Variants in MED13L observed in about 807,000 individuals in gnomAD.
MED13L encodes mediator of RNA polymerase II transcription subunit 13-like.
Under a neutral mutation model 220.9 loss-of-function variants are expected in MED13L, and 7 were observed. That is an observed-to-expected ratio of 0.03 (90% CI 0.02 to 0.06). The LOEUF (loss-of-function observed/expected upper bound fraction) is 0.06, where lower values mean the gene tolerates loss of function less well. MED13L is among the 10% of genes least tolerant of loss of function. The probability of loss-of-function intolerance (pLI) is 1.00; values close to 1 mark genes in which losing one functional copy is unlikely to be tolerated. For synonymous variants in MED13L, 1,011 were observed against 1,015.2 expected (o/e 1.00, Z 0.08); for missense variants, 1,965 against 2,760.5 (o/e 0.71, Z 6.46).
intron 17 of MED13L, among the ~76,000 whole-genome samples, chr12:115,990,672 G>A (rs1877996818): frequency 6.6e-6 from 1 of 152,184 alleles, no homozygotes; most frequent in Non-Finnish European, 1.5e-5. Flanking sequence ...ACTTGATCTG[G>A]AAGAATGGTG....
intron 4 of MED13L, among the ~76,000 whole-genome samples, chr12:116,038,900 C>G (rs778259428): frequency 6.6e-6 from 1 of 151,672 alleles, no homozygotes; most frequent in Non-Finnish European, 1.5e-5. Flanking sequence ...ATTTCCTCAT[C>G]TATTTTTTTT....
chr12:115,970,755 C>T lies in MED13L; in HGVS notation c.5906G>A (p.Gly1969Asp). ...FVVMPDAVTM[G>D]SVFGRSTALN... is the part of the protein sequence containing the mutation. ...TGCAGTACTTCGGCCAAAAACAGAG[C>T]CCATTGTGACAGCATCTTTAAAGAA... The change falls in exon 27 of 31, where the codon GGC (glycine) becomes GAC (aspartate). Residue 1969 changes from glycine (G) to aspartate (D), a missense_variant. Gly to Asp is a moderately conservative substitution (Grantham distance 94, BLOSUM62 -1). Coordinates refer to ENST00000281928, the MANE Select transcript of MED13L (RefSeq NM_015335.5). 6.2e-7 allele frequency: 1 copy of T among 1,613,886 alleles called. No individual in the cohort carries two copies. The highest frequency in any genetic ancestry group is 8.5e-7 in the Non-Finnish European group (1 of 1,179,894).
At chr12:116,178,635 A>T (rs1407968884) in intron 2 of MED13L, among the ~76,000 whole-genome samples, 1 of 152,238 alleles carries the variant, frequency 6.6e-6, no homozygotes, top group Non-Finnish European at 1.5e-5. Flanking sequence ...CACTGTTCTT[A>T]CAACCCACTT....
At chr12:115,977,745 C>T (rs543494279) in intron 23 of MED13L, among the ~76,000 whole-genome samples, 1 of 152,226 alleles carries the variant, frequency 6.6e-6, no homozygotes, top group East Asian at 1.9e-4. Context: ...GCCTGTAATC[C>T]CAGCACTTTG....
chr12:116,228,338 A>C (rs1278816285), intron 2 of MED13L, among the ~76,000 whole-genome samples: 3 of 152,166 alleles, frequency 2.0e-5, no homozygotes, highest in Non-Finnish European at 4.4e-5. Context: ...TTTTCTAGAG[A>C]TAGGGTCTTA....
intron 2 of MED13L, among the ~76,000 whole-genome samples, chr12:116,218,296 A>G (rs1883119139): frequency 2.0e-5 from 3 of 152,176 alleles, no homozygotes; most frequent in African/African-American, 7.2e-5. Flanking sequence ...TTCAAATCTA[A>G]TATTTAACAC....
chr12:116,074,321 G>A (rs530416168), intron 4 of MED13L, among the ~76,000 whole-genome samples: 18 of 152,322 alleles, frequency 1.2e-4, no homozygotes, highest in Admixed American at 1.2e-3. Flanking sequence ...CTTGAACCCA[G>A]GAAGCAGAGG....
At chr12:116,063,131 T>A (rs1055083726) in intron 4 of MED13L, among the ~76,000 whole-genome samples, 6 of 152,188 alleles carry the variant, frequency 3.9e-5, no homozygotes, top group Non-Finnish European at 1.5e-5. Context: ...GGCATTTCTG[T>A]CTTCTTTCCC....
At chr12:115,976,546 G>A (rs1167128279) in intron 23 of MED13L, among the ~76,000 whole-genome samples, 1 of 152,136 alleles carries the variant, frequency 6.6e-6, no homozygotes, top group Non-Finnish European at 1.5e-5. Context: ...TTTGCTTCTT[G>A]CACTTGTTAA....
At chr12:116,191,695 G>GT (rs1238774835) in intron 2 of MED13L, among the ~76,000 whole-genome samples, 1 of 151,920 alleles carries the variant, frequency 6.6e-6, no homozygotes, top group African/African-American at 2.4e-5. Flanking sequence ...AGAAATATGC[G>GT]TTTTGCCAGG....
At chr12:116,203,196 A>C (rs1359954267) in intron 2 of MED13L, among the ~76,000 whole-genome samples, 1 of 152,178 alleles carries the variant, frequency 6.6e-6, no homozygotes, top group Non-Finnish European at 1.5e-5. Flanking sequence ...TCAGGCAGGA[A>C]TGTTAACAGT....
At chr12:116,010,636 A>G (rs150305119) in intron 9 of MED13L, among the ~76,000 whole-genome samples, 3 of 152,278 alleles carry the variant, frequency 2.0e-5, no homozygotes, top group East Asian at 3.9e-4. Flanking sequence ...TCGGCACACT[A>G]TATGGGTGAC....
chr12:115,991,507 G>A lies in MED13L; in HGVS notation c.3447C>T (p.Ile1149=). 1 of 1,614,182 alleles carries A rather than the reference G, an allele frequency of 6.2e-7. No individual in the cohort carries two copies. Among genetic ancestry groups the A allele is most frequent in the Non-Finnish European group, 8.5e-7 (1 of 1,180,044 alleles). ...ACTGGTCCTCATTGGAAGAATCGGG[G>A]ATGTAAAGCCCGACATCCGCCCCTT... is the stretch of plus-strand genomic sequence containing the variant. The part of the protein sequence containing the change: ...NIKGADVGLY[I]PDSSNEDQYR... The change falls in exon 17 of 31, where the codon ATC becomes ATT. Residue 1149 remains isoleucine (I), a synonymous_variant. Coordinates refer to ENST00000281928, the MANE Select transcript of MED13L (RefSeq NM_015335.5). The surrounding 1 kb of genome is among the most constrained non-coding windows in gnomAD (Gnocchi z 7.7).
Position 116,044,998 on chromosome 12 carries a change from G to A in MED13L, c.480-22397C>T, listed in dbSNP as rs576885355. ...GTATGCAAACTGTATATGCAAAAAA[G>A]GGTATAGTAAGAGACCCTACAGATA... On this transcript the variant is annotated intron_variant, in intron 4 of 30. Coordinates refer to ENST00000281928, the MANE Select transcript of MED13L (RefSeq NM_015335.5). 9.9e-4 allele frequency among the ~76,000 whole-genome samples: 151 copies of A among 152,234 alleles called. 10 individuals carry two copies. The South Asian group carries it at 0.031, about 32-fold the overall frequency.
intron 5 of MED13L, 31 bp downstream of exon 5, chr12:116,022,425 A>C: frequency 6.2e-7 from 1 of 1,612,836 alleles, no homozygotes; most frequent in Non-Finnish European, 8.5e-7. Context: ...GGTGGCGGAT[A>C]GGGGTGGAGA....
chr12:116,173,046 C>T (rs1879795328), intron 2 of MED13L, among the ~76,000 whole-genome samples: 1 of 145,168 alleles, frequency 6.9e-6, no homozygotes, highest in African/African-American at 2.6e-5. Flanking sequence ...AATAACAGAT[C>T]AGAAAATACA....
At chr12:116,267,626 G>GTTTA (rs1266199054) in intron 1 of MED13L, among the ~76,000 whole-genome samples, 1 of 152,160 alleles carries the variant, frequency 6.6e-6, no homozygotes, top group Non-Finnish European at 1.5e-5. Flanking sequence ...TAGTAAAAAT[G>GTTTA]TTTAATACAA....
intron 2 of MED13L, among the ~76,000 whole-genome samples, chr12:116,160,308 T>C (rs1878760626): frequency 1.3e-5 from 2 of 152,230 alleles, no homozygotes; most frequent in Non-Finnish European, 2.9e-5. Flanking sequence ...ATTTTTGTTG[T>C]TGTTGTTGTT....
At position 116,031,752 on chromosome 12, in the gene MED13L, A is replaced by AAGAAGG. The variant is rs1555251772; in HGVS notation, c.480-9152_480-9151insCCTTCT. On this transcript the variant is annotated intron_variant, in intron 4 of 30. Transcript: ENST00000281928. ...AAAGAAAAGAAAAGAAAAGAAAAGA[A>AAGAAGG]AAGAAAAGAAGGAAGGAAGGAAGGA... Among the ~76,000 whole-genome samples, 201 of 31,492 alleles carry AAGAAGG rather than the reference A, an allele frequency of 6.4e-3. 5 individuals carry two copies. Among genetic ancestry groups the AAGAAGG allele is most frequent in the Middle Eastern group, 0.022 (1 of 46 alleles). The allele number at this position is 31,492 out of a possible 152,430, so 20.7% of individuals were successfully genotyped here. A position where few individuals can be genotyped will look rare whatever the true frequency, so the allele number is the denominator to read the frequency against.
Sources: allele counts gnomAD v4.1 joint callset (sites outside exome capture counted in the v4.1 genomes callset), GRCh38; gene constraint gnomAD v4.1.1; non-coding constraint Gnocchi (gnomAD v3.1); transcripts MANE v1.5; gene names NCBI Gene and HGNC (gene_info 2026-07-23, HGNC 2026-07-21).